PSPH: variants seen among roughly 807,000 people sequenced by gnomAD.
The protein encoded by PSPH is phosphoserine phosphatase.
Under a neutral mutation model 23.4 loss-of-function variants are expected in PSPH, and 16 were observed. That is an observed-to-expected ratio of 0.68 (90% CI 0.46 to 1.04). The LOEUF (loss-of-function observed/expected upper bound fraction) is 1.04. Among genes scored for constraint, PSPH ranks in the 50% least tolerant of loss-of-function variants. The pLI is 0.00. For synonymous variants in PSPH, 68 were observed against 99.7 expected (o/e 0.68, Z 1.89); for missense variants, 223 against 273.7 (o/e 0.81, Z 1.31).
intron 2 of PSPH, among the ~76,000 whole-genome samples, chr7:56,032,335 G>C (rs192239950): frequency 6.6e-6 from 1 of 152,112 alleles, no homozygotes; most frequent in Non-Finnish European, 1.5e-5. Flanking sequence ...GAGGGAAAGA[G>C]AATCTCTTAG....
chr7:56,023,559 G>C (rs949641741), intron 3 of PSPH, among the ~76,000 whole-genome samples: 7 of 151,966 alleles, frequency 4.6e-5, no homozygotes, highest in Non-Finnish European at 7.4e-5. Context: ...CCCCATGCCT[G>C]GCCTTTATTT....
chr7:56,013,827 A>G (rs1788251829), intron 7 of PSPH, among the ~76,000 whole-genome samples: 1 of 152,202 alleles, frequency 6.6e-6, no homozygotes, highest in South Asian at 2.1e-4. Context: ...CCCTATCAGT[A>G]AGAAGAACAC....
chr7:56,023,349 C>G (rs1188151107), intron 3 of PSPH, among the ~76,000 whole-genome samples: 1 of 151,988 alleles, frequency 6.6e-6, no homozygotes, highest in African/African-American at 2.4e-5. Flanking sequence ...GCCTCCAAAT[C>G]CAGGGCTCAA....
chr7:56,015,496 C>T (rs760279762), intron 6 of PSPH, among the ~76,000 whole-genome samples: 1 of 152,084 alleles, frequency 6.6e-6, no homozygotes, highest in Non-Finnish European at 1.5e-5. Context: ...GCCATCACAC[C>T]TAGCCAACCT....
At chr7:56,014,975 T>C (rs1788391221) in intron 7 of PSPH, 48 bp downstream of exon 7, 25 of 1,515,436 alleles carry the variant, frequency 1.6e-5, no homozygotes, top group Non-Finnish European at 2.1e-5. Context: ...AATAAATAAA[T>C]AAAACAAAAG....
Position 56,011,646 on chromosome 7 carries a change from C to A in PSPH, c.*116G>T. Reference sequence around the variant, plus strand: ...CCTAACTGTAGTTTAAAGTACAGATCATTTGTACCAACTTTCTATAGCAAG... The same window carrying A: ...CCTAACTGTAGTTTAAAGTACAGATAATTTGTACCAACTTTCTATAGCAAG... On this transcript the variant is annotated 3_prime_UTR_variant, in exon 8 of 8. Coordinates refer to ENST00000275605, the MANE Select transcript of PSPH (RefSeq NM_004577.4). 1 of 760,208 alleles carries A rather than the reference C, an allele frequency of 1.3e-6. No individual in the cohort carries two copies. Among genetic ancestry groups the A allele is most frequent in the Non-Finnish European group, 2.2e-6 (1 of 445,202 alleles). 47.1% of individuals were successfully genotyped at this position (760,208 alleles called of 1,614,324 possible).
intron 1 of PSPH, among the ~76,000 whole-genome samples, chr7:56,037,097 C>G (rs149243522): frequency 0.011 from 1,679 of 151,204 alleles, 36 homozygotes; most frequent in African/African-American, 0.038. Flanking sequence ...TCACTTGAAC[C>G]CGGGAGGCAG....
intron 1 of PSPH, among the ~76,000 whole-genome samples, chr7:56,034,523 CTTTT>C (rs1003615224): frequency 1.3e-5 from 2 of 149,960 alleles, no homozygotes; most frequent in Admixed American, 6.7e-5. Flanking sequence ...TACTTATATT[CTTTT>C]TTTTTTGAGA....
intron 6 of PSPH, 152 bp downstream of exon 6, chr7:56,017,082 G>T: frequency 1.5e-6 from 2 of 1,361,812 alleles, no homozygotes; most frequent in South Asian, 1.4e-5. Context: ...TGAGCAAAGG[G>T]TACCAAAGGG....
At chr7:56,022,417 T>C (rs1040744756) in intron 3 of PSPH, among the ~76,000 whole-genome samples, 3 of 151,794 alleles carry the variant, frequency 2.0e-5, no homozygotes, top group East Asian at 1.9e-4. Flanking sequence ...TCTGAGTGGG[T>C]TGTCAAAGGG....
chr7:56,019,311 C>A (rs532856012), intron 5 of PSPH, among the ~76,000 whole-genome samples: 4 of 151,820 alleles, frequency 2.6e-5, no homozygotes, highest in Admixed American at 2.0e-4. Context: ...TGCTGGTGGG[C>A]ACCTGTAATC....
intron 1 of PSPH, among the ~76,000 whole-genome samples, chr7:56,050,600 C>T (rs6593296): frequency 0.23 from 34,241 of 152,124 alleles, 4,305 homozygotes; most frequent in South Asian, 0.3. Context: ...GAACATCACG[C>T]TGCTGTTACC....
At chr7:56,038,774 AG>A (rs1792074676) in intron 1 of PSPH, among the ~76,000 whole-genome samples, 2 of 151,374 alleles carry the variant, frequency 1.3e-5, no homozygotes, top group African/African-American at 4.9e-5. Context: ...TGAGCCTGGG[AG>A]GTTGAGGCTG....
intron 1 of PSPH, among the ~76,000 whole-genome samples, chr7:56,048,795 CTTT>C (rs548240200): frequency 0.016 from 2,138 of 130,892 alleles, 29 homozygotes; most frequent in Non-Finnish European, 0.026. Flanking sequence ...CCACACCTGG[CTTT>C]TTTTTTTTTT....
chr7:56,036,707 T>C (rs1444354050), intron 1 of PSPH, among the ~76,000 whole-genome samples: 1 of 152,194 alleles, frequency 6.6e-6, no homozygotes, highest in African/African-American at 2.4e-5. Context: ...CACACCTATA[T>C]TGATACTTGT....
chr7:56,034,237 C>CCAGCCCCCTCCTCCTCCGGGGGCT (rs1791415971), intron 1 of PSPH, 131 bp from the exon 2 acceptor site: 1 of 152,252 alleles, frequency 6.6e-6, no homozygotes, highest in Non-Finnish European at 1.5e-5. Context: ...GCTCCCTGAA[C>CCAGCCCCCTCCTCCTCCGGGGGCT]CAGCCCCCTC....
At chr7:56,025,482 C>G (rs1400756218) in intron 3 of PSPH, among the ~76,000 whole-genome samples, 1 of 151,978 alleles carries the variant, frequency 6.6e-6, no homozygotes. Flanking sequence ...TGGTCTCAAA[C>G]TTTTGGGCTA....
chr7:56,027,416 T>C (rs1790356762), intron 3 of PSPH, among the ~76,000 whole-genome samples: 1 of 151,788 alleles, frequency 6.6e-6, no homozygotes, highest in Non-Finnish European at 1.5e-5. Flanking sequence ...AAATAATTAC[T>C]GGCCATGTTT....
intron 1 of PSPH, among the ~76,000 whole-genome samples, chr7:56,046,639 C>T (rs536420195): frequency 1.5e-4 from 23 of 152,142 alleles, no homozygotes; most frequent in African/African-American, 5.1e-4. Context: ...CACAAATTAG[C>T]TGGGCATGGT....
Sources: gnomAD v4.1 joint callset for allele counts (sites outside exome capture counted in the v4.1 genomes callset) on GRCh38, gnomAD v4.1.1 for gene constraint, MANE v1.5 for transcripts, NCBI Gene and HGNC (gene_info 2026-07-23, HGNC 2026-07-21) for gene names.